The following RGS8 variants were observed in gnomAD, a reference collection of about 807,000 sequenced individuals.
RGS8 encodes the protein regulator of G-protein signaling 8.
In RGS8, 8 loss-of-function variants were observed where a neutral mutation model predicts 21.7. That is an observed-to-expected ratio of 0.37 (90% CI 0.22 to 0.66). The LOEUF is 0.66. Ranked by LOEUF, RGS8 falls within the 30% of genes least tolerant of loss-of-function variation. The pLI, the probability that RGS8 is intolerant of heterozygous loss-of-function variation, is 0.59. For synonymous variants in RGS8, 80 were observed against 83.6 expected (o/e 0.96, Z 0.24); for missense variants, 157 against 217.9 (o/e 0.72, Z 1.76).
chr1:182,713,048 C>G, the RGS8 span, among the ~76,000 whole-genome samples: 181 of 152,286 alleles, frequency 1.2e-3, 1 homozygote, highest in Non-Finnish European at 5.3e-4. Context: ...AAGAATTGGC[C>G]AAGTTGCCAT....
At chr1:182,687,021 A>G (rs1664726460), upstream of RGS8, among the ~76,000 whole-genome samples, 1 of 152,058 alleles carries the variant, frequency 6.6e-6, no homozygotes, top group Non-Finnish European at 1.5e-5. Flanking sequence ...CTGAGATGAA[A>G]ATGGCAAAAA....
intron 1 of RGS8, among the ~76,000 whole-genome samples, chr1:182,680,883 G>A (rs535620721): frequency 6.6e-6 from 1 of 152,324 alleles, no homozygotes; most frequent in East Asian, 1.9e-4. Flanking sequence ...CAGAGACAGT[G>A]TGGAGTCACA....
upstream of RGS8, among the ~76,000 whole-genome samples, chr1:182,673,708 A>G (rs972782812): frequency 6.6e-6 from 1 of 152,142 alleles, no homozygotes; most frequent in Non-Finnish European, 1.5e-5. Context: ...CCTTTCTTGA[A>G]CCCTGTTGCT....
At chr1:182,732,219 GCTCT>G in the RGS8 span, among the ~76,000 whole-genome samples, 1 of 150,928 alleles carries the variant, frequency 6.6e-6, no homozygotes, top group Non-Finnish European at 1.5e-5. Context: ...CAGAACAAGC[GCTCT>G]CTCTCTTTCT....
At chr1:182,694,365 C>T in the RGS8 span, among the ~76,000 whole-genome samples, 1 of 152,198 alleles carries the variant, frequency 6.6e-6, no homozygotes, top group Non-Finnish European at 1.5e-5. Flanking sequence ...AGGAGCCATC[C>T]TTGTTTGTCC....
At chr1:182,670,396 C>T (rs1035271819) in intron 2 of RGS8, among the ~76,000 whole-genome samples, 5 of 152,202 alleles carry the variant, frequency 3.3e-5, no homozygotes, top group East Asian at 1.9e-4. Flanking sequence ...CTATTCTTGA[C>T]GCGAAGCAGG....
upstream of RGS8, among the ~76,000 whole-genome samples, chr1:182,689,264 G>A (rs150547185): frequency 8.0e-6 from 1 of 125,696 alleles, no homozygotes; most frequent in Non-Finnish European, 1.8e-5. Context: ...CACACACACA[G>A]ACACACACAC....
chr1:182,709,936 A>G, the RGS8 span, among the ~76,000 whole-genome samples: 1 of 152,208 alleles, frequency 6.6e-6, no homozygotes, highest in Non-Finnish European at 1.5e-5. Flanking sequence ...ATTCTGGGTT[A>G]CAGGAGTGAA....
the RGS8 span, among the ~76,000 whole-genome samples, chr1:182,737,015 G>A: frequency 2.8e-4 from 43 of 151,966 alleles, no homozygotes; most frequent in African/African-American, 8.0e-4. Flanking sequence ...CAATTTCACC[G>A]GGCCCAAAAT....
chr1:182,744,277 A>G, the RGS8 span, among the ~76,000 whole-genome samples: 1 of 151,962 alleles, frequency 6.6e-6, no homozygotes, highest in Non-Finnish European at 1.5e-5. Context: ...GCACATCACC[A>G]CATCTGGCTA....
At chr1:182,745,352 A>AC in the RGS8 span, among the ~76,000 whole-genome samples, 2 of 49,798 alleles carry the variant, frequency 4.0e-5, no homozygotes, top group Non-Finnish European at 1.1e-4. Flanking sequence ...CATGAGAACC[A>AC]ACTGTTTTCA....
chr1:182,666,519 G>C (rs1663868102), intron 4 of RGS8, among the ~76,000 whole-genome samples: 1 of 152,152 alleles, frequency 6.6e-6, no homozygotes, highest in Non-Finnish European at 1.5e-5. Flanking sequence ...CAGGTTACTT[G>C]AATCTAAGCA....
chr1:182,690,659 A>G, the RGS8 span, among the ~76,000 whole-genome samples: 1 of 152,160 alleles, frequency 6.6e-6, no homozygotes. Context: ...ATCTGAAATA[A>G]ATTGTTAAGT....
chr1:182,729,462 C>A, the RGS8 span, among the ~76,000 whole-genome samples: 36 of 152,286 alleles, frequency 2.4e-4, no homozygotes, highest in African/African-American at 7.9e-4. Context: ...ACAGTGAAAT[C>A]ATTTCTCATT....
Position 182,667,100 on chromosome 1 carries a change from T to C in RGS8, c.27-127A>G, listed in dbSNP as rs971606932. The C allele has an allele frequency of 9.2e-5, 67 of 730,956 alleles. No homozygotes were observed. In the Admixed American group the frequency reaches 1.2e-3, roughly 14 times the overall value. 45.3% of individuals were successfully genotyped at this position (730,956 alleles called of 1,614,324 possible). ...CCCCCACCCTTCCCCAGGTGGTCTC[T>C]GAAGACTTCATGAACAGGAAGAGAC... is the stretch of plus-strand genomic sequence containing the variant. On this transcript the variant is annotated intron_variant, in intron 3 of 6. Coordinates refer to ENST00000483095, the Ensembl canonical transcript of RGS8.
At chr1:182,731,333 T>C in the RGS8 span, among the ~76,000 whole-genome samples, 8 of 152,196 alleles carry the variant, frequency 5.3e-5, no homozygotes, top group Admixed American at 5.2e-4. Context: ...TTGACTGCAA[T>C]TGGCAGTTGG....
intron 5 of RGS8, among the ~76,000 whole-genome samples, chr1:182,652,414 G>A (rs1177188526): frequency 2.6e-5 from 4 of 152,182 alleles, no homozygotes; most frequent in Admixed American, 2.6e-4. Context: ...GATGAGTAGA[G>A]ATAACTTCTG....
chr1:182,726,874 C>T, the RGS8 span, among the ~76,000 whole-genome samples: 1 of 152,214 alleles, frequency 6.6e-6, no homozygotes, highest in South Asian at 2.1e-4. Context: ...TCTCAAAGGG[C>T]CCTGTAGCCA....
intron 5 of RGS8, among the ~76,000 whole-genome samples, chr1:182,652,477 C>A (rs1023013973): frequency 5.3e-5 from 8 of 152,142 alleles, no homozygotes; most frequent in African/African-American, 1.9e-4. Flanking sequence ...ATGAGGAAAC[C>A]AATGCTAAGA....
Sources: allele counts gnomAD v4.1 joint callset (sites outside exome capture counted in the v4.1 genomes callset), GRCh38; gene constraint gnomAD v4.1.1; transcripts MANE v1.5; gene names NCBI Gene and HGNC (gene_info 2026-07-23, HGNC 2026-07-21).